MACROD1: variants seen among roughly 807,000 people sequenced by gnomAD.
MACROD1 encodes the protein ADP-ribose glycohydrolase MACROD1.
In MACROD1, 31 loss-of-function variants were observed where a neutral mutation model predicts 41.4. That is an observed-to-expected ratio of 0.75 (90% CI 0.56 to 1.01). The LOEUF (loss-of-function observed/expected upper bound fraction) is 1.01. Ranked by LOEUF, MACROD1 falls within the 50% of genes least tolerant of loss-of-function variation. The pLI, the probability that MACROD1 is intolerant of heterozygous loss-of-function variation, is 0.00. For missense variants in MACROD1, 473 were observed against 460.0 expected, an observed-to-expected ratio of 1.03 and a Z score of -0.26; for synonymous variants, 252 against 203.4, an observed-to-expected ratio of 1.24 and a Z score of -2.03.
At chr11:64,040,605 T>TC (rs1943466510) in intron 3 of MACROD1, among the ~76,000 whole-genome samples, 1 of 152,196 alleles carries the variant, frequency 6.6e-6, no homozygotes, top group South Asian at 2.1e-4. Context: ...AGCTGTGTGT[T>TC]CACCTGCGTA....
At chr11:64,059,917 C>T (rs1011955932) in intron 3 of MACROD1, among the ~76,000 whole-genome samples, 2 of 152,082 alleles carry the variant, frequency 1.3e-5, no homozygotes, top group Non-Finnish European at 2.9e-5. Flanking sequence ...CTGGCAACCG[C>T]GACCTCCTGA....
intron 3 of MACROD1, among the ~76,000 whole-genome samples, chr11:64,059,492 C>T (rs541311858): frequency 1.3e-5 from 2 of 152,330 alleles, no homozygotes; most frequent in Non-Finnish European, 2.9e-5. Flanking sequence ...TGCCCTTCCA[C>T]AGGCTGACCC....
At chr11:64,164,528 T>C (rs1945805581) in intron 1 of MACROD1, among the ~76,000 whole-genome samples, 1 of 152,236 alleles carries the variant, frequency 6.6e-6, no homozygotes. Context: ...CCTCCTGCTG[T>C]TCTGGGGCAA....
At chr11:64,026,688 GCATGGCTGTACCC>G (rs1480182450) in intron 3 of MACROD1, among the ~76,000 whole-genome samples, 5 of 152,088 alleles carry the variant, frequency 3.3e-5, no homozygotes, top group Admixed American at 3.3e-4. Flanking sequence ...CTCCATGGAG[GCATGGCTGTACCC>G]CACACCCCTC....
chr11:64,017,771 G>C (rs917731427), intron 3 of MACROD1, among the ~76,000 whole-genome samples: 1 of 151,962 alleles, frequency 6.6e-6, no homozygotes, highest in South Asian at 2.1e-4. Context: ...TGCCCTCCTC[G>C]GGACCCCCCC....
intron 3 of MACROD1, among the ~76,000 whole-genome samples, chr11:64,065,339 G>C (rs1308132315): frequency 6.6e-6 from 1 of 152,208 alleles, no homozygotes; most frequent in African/African-American, 2.4e-5. Flanking sequence ...TTTGTTCTGA[G>C]GGCGGCTGGG....
Position 64,064,813 on chromosome 11 carries a change from G to C in MACROD1, c.518-49532C>G, listed in dbSNP as rs1270623999. 6.6e-6 allele frequency among the ~76,000 whole-genome samples: 1 copy of C among 151,920 alleles called. No individual in the cohort carries two copies. The highest frequency in any genetic ancestry group is 1.5e-5 in the Non-Finnish European group (1 of 67,988). ...CTGCCAACTAAAACCTGGGCACCCG[G>C]TGGCCAAGAGGCTAGAGTTTCACAA... On this transcript the variant is annotated intron_variant, in intron 3 of 10. Coordinates refer to ENST00000255681, the MANE Select transcript of MACROD1 (RefSeq NM_014067.4). The surrounding 1 kb of genome is among the most constrained non-coding windows in gnomAD (Gnocchi z 4.5).
intron 1 of MACROD1, among the ~76,000 whole-genome samples, chr11:64,155,277 A>G (rs1317631620): frequency 1.3e-5 from 2 of 152,248 alleles, no homozygotes; most frequent in East Asian, 3.8e-4. Flanking sequence ...AAAGAAAAAA[A>G]AGAGAGAGAG....
At chr11:64,131,100 C>G (rs1389815877) in intron 3 of MACROD1, among the ~76,000 whole-genome samples, 1 of 152,182 alleles carries the variant, frequency 6.6e-6, no homozygotes, top group Non-Finnish European at 1.5e-5. Context: ...GTGATGCAGG[C>G]GAGTGCCCCA....
At chr11:64,061,427 T>TGG (rs1219235786) in intron 3 of MACROD1, among the ~76,000 whole-genome samples, 1 of 152,164 alleles carries the variant, frequency 6.6e-6, no homozygotes, top group Non-Finnish European at 1.5e-5. Context: ...CCCAGGACCT[T>TGG]GGGGTGCCTC....
chr11:64,157,601 G>C lies in MACROD1; in HGVS notation c.299-5208C>G, dbSNP rs201236721. Among the ~76,000 whole-genome samples the C allele has an allele frequency of 1.2e-3, 190 of 152,354 alleles. 1 individual carries two copies. In the South Asian group the frequency reaches 0.026, roughly 21 times the overall value. Reference sequence around the variant, plus strand: ...GCAGTAAATTTTGATGGAGAGGCCTGACCCCAGACGAAGCTTCCAGCGGCT... The same window carrying C: ...GCAGTAAATTTTGATGGAGAGGCCTCACCCCAGACGAAGCTTCCAGCGGCT... On this transcript the variant is annotated intron_variant, in intron 1 of 10. Coordinates refer to ENST00000255681, the MANE Select transcript of MACROD1 (RefSeq NM_014067.4).
At chr11:64,048,817 T>A (rs1943635253) in intron 3 of MACROD1, among the ~76,000 whole-genome samples, 1 of 152,158 alleles carries the variant, frequency 6.6e-6, no homozygotes, top group Admixed American at 6.5e-5. Flanking sequence ...GGGGCTGCTA[T>A]CCCCACCAAG....
chr11:64,022,867 A>ATTTTT (rs922794608), intron 3 of MACROD1, among the ~76,000 whole-genome samples: 16 of 90,766 alleles, frequency 1.8e-4, no homozygotes, highest in East Asian at 3.0e-4. Context: ...TTCCACATGG[A>ATTTTT]TTTTTTTTTT....
At chr11:64,110,224 C>A (rs1360168220) in intron 3 of MACROD1, among the ~76,000 whole-genome samples, 1 of 152,052 alleles carries the variant, frequency 6.6e-6, no homozygotes, top group African/African-American at 2.4e-5. Context: ...CTGAAGTGGG[C>A]AGATTGCTTG....
chr11:64,007,172 A>G (rs551537764), intron 4 of MACROD1, among the ~76,000 whole-genome samples: 263 of 152,264 alleles, frequency 1.7e-3, no homozygotes, highest in African/African-American at 5.6e-3. Context: ...AAACTCTACC[A>G]TTCAAAAAAT....
chr11:64,002,714 A>G (rs1051462155), intron 4 of MACROD1, among the ~76,000 whole-genome samples: 2 of 152,016 alleles, frequency 1.3e-5, no homozygotes, highest in African/African-American at 4.8e-5. Flanking sequence ...CCCCTCCCAC[A>G]CACACTCCCA....
intron 1 of MACROD1, among the ~76,000 whole-genome samples, chr11:64,165,333 G>C (rs1184084199): frequency 6.6e-6 from 1 of 152,362 alleles, no homozygotes; most frequent in East Asian, 1.9e-4. Flanking sequence ...CCTTGGGGAA[G>C]CCAGCTGTGG....
chr11:64,093,660 T>C (rs1565229327), intron 3 of MACROD1, among the ~76,000 whole-genome samples: 1 of 152,218 alleles, frequency 6.6e-6, no homozygotes, highest in Non-Finnish European at 1.5e-5. Flanking sequence ...CCCTCTTCCC[T>C]GGACAGGGCT....
At chr11:64,022,138 G>A (rs76033549) in intron 3 of MACROD1, among the ~76,000 whole-genome samples, 1 of 151,846 alleles carries the variant, frequency 6.6e-6, no homozygotes, top group Non-Finnish European at 1.5e-5. Context: ...CCCCTGGGGG[G>A]CCTTGAGAGC....
Sources: allele counts gnomAD v4.1 joint callset (sites outside exome capture counted in the v4.1 genomes callset), GRCh38; gene constraint gnomAD v4.1.1; non-coding constraint Gnocchi (gnomAD v3.1); transcripts MANE v1.5; gene names NCBI Gene and HGNC (gene_info 2026-07-23, HGNC 2026-07-21).